The following LRPPRC variants were observed in gnomAD, a reference collection of about 807,000 sequenced individuals.
LRPPRC encodes the protein leucine-rich PPR motif-containing protein, mitochondrial.
LRPPRC carries 120 observed loss-of-function variants against 180.3 expected under a neutral mutation model. The observed-to-expected ratio is 0.67, with a 90% CI of 0.57 to 0.77. The LOEUF is 0.77. Among genes scored for constraint, LRPPRC ranks in the 30% least tolerant of loss-of-function variants. The pLI, the probability that LRPPRC is intolerant of heterozygous loss-of-function variation, is 0.00. For synonymous variants in LRPPRC, 723 were observed against 600.0 expected (o/e 1.21, Z -3.00); for missense variants, 2,012 against 1,657.2 (o/e 1.21, Z -3.72).
intron 1 of LRPPRC, among the ~76,000 whole-genome samples, chr2:43,993,753 C>T (rs199635444): frequency 6.8e-6 from 1 of 147,042 alleles, no homozygotes; most frequent in Non-Finnish European, 1.5e-5. Flanking sequence ...AAAAAAAAAC[C>T]AGAGAAATAA....
intron 11 of LRPPRC, among the ~76,000 whole-genome samples, chr2:43,972,488 G>A (rs1673863645): frequency 6.6e-6 from 1 of 152,206 alleles, no homozygotes; most frequent in Non-Finnish European, 1.5e-5. Flanking sequence ...CTTGTGTAAA[G>A]GTGGACAATA....
chr2:43,977,985 G>A (rs188444315), intron 3 of LRPPRC, among the ~76,000 whole-genome samples: 1 of 152,252 alleles, frequency 6.6e-6, no homozygotes, highest in Non-Finnish European at 1.5e-5. Flanking sequence ...GTATCTGGGG[G>A]TGAGAGTATG....
At chr2:43,968,728 G>A (rs1184057216) in intron 11 of LRPPRC, among the ~76,000 whole-genome samples, 2 of 152,216 alleles carry the variant, frequency 1.3e-5, no homozygotes, top group Non-Finnish European at 2.9e-5. Flanking sequence ...GGACTAGGGT[G>A]AGGGAGATAT....
intron 11 of LRPPRC, among the ~76,000 whole-genome samples, chr2:43,970,150 C>G (rs1298933984): frequency 6.6e-6 from 1 of 152,166 alleles, no homozygotes; most frequent in Non-Finnish European, 1.5e-5. Flanking sequence ...AACCCTTCAC[C>G]CCATCTTCTA....
In LRPPRC at chr2:43,982,419, T is replaced by G. The variant is rs981368951; in HGVS notation, c.165A>C (p.Pro55=). The G allele has an allele frequency of 6.2e-7, 1 of 1,613,344 alleles. No individual in the cohort carries two copies. The highest frequency in any genetic ancestry group is 1.3e-5 in the African/African-American group (1 of 74,918). ...TGGCAGCAATGGCATACAGCCTGGC[T>G]GGGCTCAGTAGTCCTCTAAAAAATG... The part of the protein sequence containing the change: ...AGPVAGGLLS[P]ARLYAIAAKE... The change falls in exon 2 of 38, where the codon CCA becomes CCC. Residue 55 remains proline (P), a synonymous_variant. Transcript: ENST00000260665.
At chr2:43,926,740 G>A (rs1572929338) in intron 25 of LRPPRC, among the ~76,000 whole-genome samples, 1 of 152,138 alleles carries the variant, frequency 6.6e-6, no homozygotes, top group African/African-American at 2.4e-5. Flanking sequence ...AGACTCAGGA[G>A]ACAAAAATTA....
intron 23 of LRPPRC, among the ~76,000 whole-genome samples, chr2:43,935,981 G>A (rs1357120956): frequency 6.6e-6 from 1 of 152,182 alleles, no homozygotes; most frequent in African/African-American, 2.4e-5. Context: ...TACTCGGGGG[G>A]CTGAGGAGGG....
rs1430790583 is a variant in LRPPRC at position 43,976,989 on chromosome 2, C to A, written c.650+5G>T. On this transcript the variant is annotated splice_donor_5th_base_variant and intron_variant, in intron 5 of 37. Coordinates refer to ENST00000260665, the MANE Select transcript of LRPPRC (RefSeq NM_133259.4). ...TCGCTTAAACATGTTCATACAGATC[C>A]ATACCTGGCACCTTCAATATCTCCT... The A allele has an allele frequency of 1.9e-6, 3 of 1,610,994 alleles. No homozygotes were observed. The African/African-American group carries it at 4.0e-5, about 22-fold the overall frequency.
At chr2:43,895,148 G>C (rs1247005691) in intron 35 of LRPPRC, among the ~76,000 whole-genome samples, 1 of 152,148 alleles carries the variant, frequency 6.6e-6, no homozygotes, top group East Asian at 1.9e-4. Context: ...ATACAGAACT[G>C]CTATGCCGTA....
intron 25 of LRPPRC, among the ~76,000 whole-genome samples, chr2:43,927,733 T>C (rs929755709): frequency 1.3e-5 from 2 of 152,202 alleles, no homozygotes; most frequent in Non-Finnish European, 2.9e-5. Flanking sequence ...ACTCTTTCTG[T>C]TTGTGGCTGA....
rs1340406795 is a variant in LRPPRC, at chr2:43,995,870, G to A, written c.78C>T (p.Leu26=). 6.0e-6 allele frequency: 9 copies of A among 1,494,930 alleles called. No homozygotes were observed. The highest frequency in any genetic ancestry group is 5.8e-5 in the African/African-American group (4 of 68,864). The allele number at this position is 1,494,930 out of a possible 1,614,324, so 92.6% of individuals were successfully genotyped here. ...GCAGCCGGCCCGGGCCGCCAGGGAGGAGGCGCAGGGAGAGCGGGAGGCGCG... is the reference window on the plus strand; with the variant it reads ...GCAGCCGGCCCGGGCCGCCAGGGAGAAGGCGCAGGGAGAGCGGGAGGCGCG... ...AAPRLPLSLR[L]LPGGPGRLHA... Residue 26 remains leucine, a synonymous_variant, in exon 1 of 38, where the codon CTC becomes CTT. Coordinates refer to ENST00000260665, the MANE Select transcript of LRPPRC (RefSeq NM_133259.4).
chr2:43,901,636 A>G (rs1670890334), intron 31 of LRPPRC, 112 bp from the exon 32 acceptor site: 1 of 709,028 alleles, frequency 1.4e-6, no homozygotes, highest in African/African-American at 1.8e-5. Context: ...ACAAAAAGCT[A>G]TGAATAATTA....
intron 26 of LRPPRC, among the ~76,000 whole-genome samples, chr2:43,925,463 T>G (rs1201561949): frequency 6.6e-6 from 1 of 151,860 alleles, no homozygotes; most frequent in Non-Finnish European, 1.5e-5. Context: ...ACTCAATGAG[T>G]GTATCGTACG....
At chr2:43,907,613 TTAAC>T (rs953881640) in intron 30 of LRPPRC, among the ~76,000 whole-genome samples, 2 of 152,178 alleles carry the variant, frequency 1.3e-5, no homozygotes, top group African/African-American at 4.8e-5. Flanking sequence ...ATATTTTATT[TTAAC>T]TAATTTAAAT....
intron 1 of LRPPRC, among the ~76,000 whole-genome samples, chr2:43,987,461 C>T (rs540834867): frequency 7.1e-6 from 1 of 141,600 alleles, no homozygotes; most frequent in East Asian, 2.0e-4. Context: ...CGTCACTGCA[C>T]TCCAGGCCGG....
At chr2:43,915,940 A>T (rs1015083418) in intron 29 of LRPPRC, among the ~76,000 whole-genome samples, 2 of 151,898 alleles carry the variant, frequency 1.3e-5, no homozygotes, top group African/African-American at 4.8e-5. Context: ...TAATTTGTGT[A>T]TTTTCTGAAC....
chr2:43,993,146 G>C (rs1423942768), intron 1 of LRPPRC, among the ~76,000 whole-genome samples: 6 of 152,122 alleles, frequency 3.9e-5, no homozygotes, highest in African/African-American at 1.4e-4. Context: ...TAATATGCCA[G>C]GTCAAGGCCT....
At chr2:43,914,994 G>C (rs923481556) in intron 29 of LRPPRC, among the ~76,000 whole-genome samples, 2 of 148,456 alleles carry the variant, frequency 1.3e-5, no homozygotes, top group Non-Finnish European at 3.0e-5. Flanking sequence ...GATCACTTGA[G>C]GTCAGGAGTT....
At chr2:43,941,523 A>G (rs1157127715) in intron 23 of LRPPRC, among the ~76,000 whole-genome samples, 1 of 152,172 alleles carries the variant, frequency 6.6e-6, no homozygotes, top group Non-Finnish European at 1.5e-5. Flanking sequence ...ATACACATTT[A>G]ATCAAATCGA....
Sources: gnomAD v4.1 joint callset for allele counts (sites outside exome capture counted in the v4.1 genomes callset) on GRCh38, gnomAD v4.1.1 for gene constraint, MANE v1.5 for transcripts, NCBI Gene and HGNC (gene_info 2026-07-23, HGNC 2026-07-21) for gene names.